The following CTSS variants were observed in gnomAD, a reference collection of about 807,000 sequenced individuals.
CTSS encodes the protein cathepsin S.
In CTSS, 15 loss-of-function variants were observed where a neutral mutation model predicts 39.9. The observed-to-expected ratio is 0.38, with a 90% CI of 0.25 to 0.58. The LOEUF (loss-of-function observed/expected upper bound fraction) is 0.58, where lower values mean the gene tolerates loss of function less well. Among genes scored for constraint, CTSS ranks in the 20% least tolerant of loss-of-function variants. The probability of loss-of-function intolerance (pLI) is 0.70; values close to 1 mark genes in which losing one functional copy is unlikely to be tolerated. For synonymous variants in CTSS, 126 were observed against 138.2 expected (o/e 0.91, Z 0.62); for missense variants, 250 against 398.2 (o/e 0.63, Z 3.17).
At position 150,758,709 on chromosome 1, in the gene CTSS, CTGTT is replaced by C. The variant is rs587615986; in HGVS notation, c.127-733_127-730del. Reference sequence around the variant, plus strand: ...GTGTGTGCCACTGCAGCCAGTTTTTCTGTTTGTTTGTTTGTTTGTTTTGGTAGAG... The same window carrying C: ...GTGTGTGCCACTGCAGCCAGTTTTTCTGTTTGTTTGTTTGTTTTGGTAGAG... On this transcript the variant is annotated intron_variant, in intron 2 of 7. Transcript: ENST00000368985. Among the ~76,000 whole-genome samples, 795 of 151,758 alleles carry C rather than the reference CTGTT, an allele frequency of 5.2e-3. 2 individuals are homozygous for C. Among genetic ancestry groups the C allele is most frequent in the Admixed American group, 0.011 (167 of 15,208 alleles).
chr1:150,762,645 A>G (rs1441753167), intron 2 of CTSS, among the ~76,000 whole-genome samples: 1 of 152,172 alleles, frequency 6.6e-6, no homozygotes. Context: ...CAAGACACAT[A>G]CAAATGGCCA....
At chr1:150,761,589 G>C (rs983401315) in intron 2 of CTSS, among the ~76,000 whole-genome samples, 1 of 152,004 alleles carries the variant, frequency 6.6e-6, no homozygotes, top group South Asian at 2.1e-4. Flanking sequence ...AAATTACCCG[G>C]GCGTGGTGGC....
rs587675257 is a variant in CTSS at position 150,733,466 on chromosome 1, T to A, written c.897-321A>T. 8.5e-5 allele frequency among the ~76,000 whole-genome samples: 13 copies of A among 152,356 alleles called. No homozygotes were observed. In the South Asian group the frequency reaches 2.3e-3, roughly 27 times the overall value. On this transcript the variant is annotated intron_variant, in intron 7 of 7. Transcript: ENST00000368985. ...TATTAGTATCCTTTATAAGCCTTTA[T>A]CTCTAAATTTTTTGATAACAGTATC...
At chr1:150,733,526 C>T (rs1652568787) in intron 7 of CTSS, among the ~76,000 whole-genome samples, 1 of 152,140 alleles carries the variant, frequency 6.6e-6, no homozygotes, top group South Asian at 2.1e-4. Flanking sequence ...TTAAATTCCT[C>T]TAGAGAATGT....
intron 4 of CTSS, among the ~76,000 whole-genome samples, chr1:150,753,807 A>G (rs1225858631): frequency 6.6e-6 from 1 of 151,890 alleles, no homozygotes; most frequent in African/African-American, 2.4e-5. Context: ...AGAAAAAAAA[A>G]GTGGTGGTGT....
At chr1:150,740,292 G>C (rs893232073) in intron 7 of CTSS, among the ~76,000 whole-genome samples, 12 of 152,156 alleles carry the variant, frequency 7.9e-5, no homozygotes, top group African/African-American at 2.9e-4. Context: ...TAAGTGAATG[G>C]GGTATGAAGG....
intron 7 of CTSS, among the ~76,000 whole-genome samples, chr1:150,742,338 A>G (rs998843143): frequency 5.3e-5 from 8 of 152,320 alleles, no homozygotes; most frequent in Admixed American, 3.3e-4. Context: ...TGGGATTTCT[A>G]TAGACAGCAT....
At chr1:150,760,588 G>A (rs1653233779) in intron 2 of CTSS, among the ~76,000 whole-genome samples, 1 of 152,184 alleles carries the variant, frequency 6.6e-6, no homozygotes, top group South Asian at 2.1e-4. Flanking sequence ...TTGATAACAT[G>A]ATCATATAGA....
At chr1:150,743,643 A>ATATAT (rs58147441) in intron 7 of CTSS, among the ~76,000 whole-genome samples, 58 of 60,582 alleles carry the variant, frequency 9.6e-4, no homozygotes, top group Non-Finnish European at 2.2e-3. Context: ...ATAATATATT[A>ATATAT]TATATGTATA....
intron 2 of CTSS, among the ~76,000 whole-genome samples, chr1:150,762,289 A>G (rs1004934843): frequency 2.0e-5 from 3 of 152,208 alleles, no homozygotes; most frequent in Non-Finnish European, 2.9e-5. Flanking sequence ...AAATGAATTA[A>G]AGCACAAACA....
At position 150,757,867 on chromosome 1, in the gene CTSS, C is replaced by T; in HGVS notation, c.240G>A (p.Leu80=). 6.2e-7 allele frequency: 1 copy of T among 1,613,548 alleles called. No individual in the cohort carries two copies. The highest frequency in any genetic ancestry group is 8.5e-7 in the Non-Finnish European group (1 of 1,179,624). ...CTTGTAATGTACCTACCATGTCTCC[C>T]AGGTGGTTCATGCCCAGATCGTATG... ...MHSYDLGMNH[L]GDMTSEEVMS... is the part of the protein sequence containing the mutation. Residue 80 remains leucine (L), a synonymous_variant, in exon 3 of 8, where the codon CTG becomes CTA. Transcript: ENST00000368985.
At chr1:150,752,701 A>G (rs1037721407) in intron 4 of CTSS, among the ~76,000 whole-genome samples, 1 of 152,242 alleles carries the variant, frequency 6.6e-6, no homozygotes, top group Non-Finnish European at 1.5e-5. Flanking sequence ...AAAGGAGCTC[A>G]TTAACTTACT....
intron 7 of CTSS, among the ~76,000 whole-genome samples, chr1:150,735,778 AT>A (rs1652623580): frequency 8.2e-6 from 1 of 121,742 alleles, no homozygotes; most frequent in Non-Finnish European, 1.7e-5. Context: ...TTTTTTTGTG[AT>A]GGAGTCTTGC....
intron 4 of CTSS, among the ~76,000 whole-genome samples, chr1:150,752,736 T>A (rs941503796): frequency 6.6e-6 from 1 of 152,184 alleles, no homozygotes; most frequent in South Asian, 2.1e-4. Flanking sequence ...AAATATGTGG[T>A]TTATTGGGTC....
chr1:150,762,379 T>G (rs1653285023), intron 2 of CTSS, among the ~76,000 whole-genome samples: 1 of 152,186 alleles, frequency 6.6e-6, no homozygotes, highest in African/African-American at 2.4e-5. Flanking sequence ...AACGGTTTTT[T>G]GAATATGACC....
intron 2 of CTSS, 91 bp from the exon 3 acceptor site, chr1:150,758,071 A>G (rs587631735): frequency 9.9e-6 from 12 of 1,209,024 alleles, no homozygotes; most frequent in African/African-American, 1.5e-5. Flanking sequence ...TTTTTTTGAG[A>G]TGGAGTCTCA....
intron 7 of CTSS, among the ~76,000 whole-genome samples, chr1:150,744,981 G>C (rs970528126): frequency 3.3e-5 from 5 of 151,916 alleles, no homozygotes; most frequent in African/African-American, 1.2e-4. Context: ...TAAGATATGA[G>C]GGAAATAGTT....
chr1:150,737,349 AC>A (rs1250783815), intron 7 of CTSS, among the ~76,000 whole-genome samples: 1 of 151,628 alleles, frequency 6.6e-6, no homozygotes, highest in Non-Finnish European at 1.5e-5. Flanking sequence ...TGATCCTCCC[AC>A]CTCGGCCTCC....
At chr1:150,762,344 A>G (rs1269326154) in intron 2 of CTSS, among the ~76,000 whole-genome samples, 3 of 152,226 alleles carry the variant, frequency 2.0e-5, no homozygotes, top group Non-Finnish European at 4.4e-5. Context: ...AATATAGGGG[A>G]AAACTCCACA....
Sources: allele counts gnomAD v4.1 joint callset (sites outside exome capture counted in the v4.1 genomes callset), GRCh38; gene constraint gnomAD v4.1.1; transcripts MANE v1.5; gene names NCBI Gene and HGNC (gene_info 2026-07-23, HGNC 2026-07-21).